Variants in PEX5L observed in about 807,000 individuals in gnomAD.
The protein encoded by PEX5L is peroxisomal biogenesis factor 5 like.
Under a neutral mutation model 84.0 loss-of-function variants are expected in PEX5L, and 30 were observed. The observed-to-expected ratio is 0.36, with a 90% CI of 0.27 to 0.48. The LOEUF (loss-of-function observed/expected upper bound fraction) is 0.48, where lower values mean the gene tolerates loss of function less well. PEX5L is among the 20% of genes least tolerant of loss of function. PEX5L has a pLI of 0.99. For missense variants in PEX5L, 533 were observed against 754.6 expected (o/e 0.71, Z 3.44); for synonymous variants, 270 against 283.1 (o/e 0.95, Z 0.46).
chr3:179,819,822 G>A, intron 9 of PEX5L, 38 bp downstream of exon 9: 1 of 1,579,920 alleles, frequency 6.3e-7, no homozygotes, highest in Non-Finnish European at 8.7e-7. Context: ...AAAAGGTGGA[G>A]AAAAGTAGTC....
intron 2 of PEX5L, among the ~76,000 whole-genome samples, chr3:179,901,434 A>C (rs981673439): frequency 6.6e-6 from 1 of 152,232 alleles, no homozygotes; most frequent in African/African-American, 2.4e-5. Context: ...ATATACATTC[A>C]AGCATATAAG....
chr3:179,834,891 G>A (rs756067132), intron 8 of PEX5L, among the ~76,000 whole-genome samples: 2 of 152,198 alleles, frequency 1.3e-5, no homozygotes, highest in Non-Finnish European at 2.9e-5. Context: ...ATGTAATCAA[G>A]TTCAGACGAG....
chr3:180,001,886 C>T (rs1156450285), intron 1 of PEX5L, among the ~76,000 whole-genome samples: 1 of 152,108 alleles, frequency 6.6e-6, no homozygotes, highest in South Asian at 2.1e-4. Context: ...TCTATATTAT[C>T]CATAGTCATA....
chr3:179,908,053 CAA>C (rs1326611094), intron 2 of PEX5L, among the ~76,000 whole-genome samples: 1 of 152,202 alleles, frequency 6.6e-6, no homozygotes, highest in Non-Finnish European at 1.5e-5. Flanking sequence ...GAAACAGCTC[CAA>C]GAGAGAAGCT....
chr3:179,809,479 T>G lies in PEX5L; in HGVS notation c.1344A>C (p.Pro448=). ...TATAACGAGAAGGATACCTATCAAC[T>G]GGGGACTTAGACATCCGCCGGGTGA... The part of the protein sequence containing the change: ...PGLTRRMSKS[P]VDSSVLEGVK... The change falls in exon 12 of 15, where the codon CCA becomes CCC. Residue 448 remains proline (P), a synonymous_variant. Transcript: ENST00000467460. The G allele has an allele frequency of 6.2e-7, 1 of 1,612,814 alleles. No individual in the cohort carries two copies. Among genetic ancestry groups the G allele is most frequent in the Non-Finnish European group, 8.5e-7 (1 of 1,178,762 alleles).
intron 1 of PEX5L, among the ~76,000 whole-genome samples, chr3:179,984,520 T>A (rs951883073): frequency 1.3e-5 from 2 of 152,118 alleles, no homozygotes; most frequent in South Asian, 4.1e-4. Flanking sequence ...AAACAAAAGA[T>A]CTTTGGGGTA....
intron 2 of PEX5L, among the ~76,000 whole-genome samples, chr3:179,904,818 G>A (rs1762589349): frequency 6.6e-6 from 1 of 151,936 alleles, no homozygotes; most frequent in Admixed American, 6.6e-5. Context: ...TCTGAGTTGG[G>A]GTCGTCTCCT....
chr3:179,847,114 C>A (rs906908647), intron 8 of PEX5L, among the ~76,000 whole-genome samples: 6 of 150,534 alleles, frequency 4.0e-5, no homozygotes, highest in Non-Finnish European at 7.4e-5. Flanking sequence ...TATCCACCCA[C>A]CCCACCCAAC....
intron 2 of PEX5L, among the ~76,000 whole-genome samples, chr3:179,937,576 G>A (rs1370368044): frequency 6.6e-6 from 1 of 152,180 alleles, no homozygotes; most frequent in East Asian, 1.9e-4. Context: ...AGACCAGTGT[G>A]TTCCCTAGTT....
chr3:179,898,396 AAC>A, intron 2 of PEX5L, 150 bp from the exon 3 acceptor site: 1 of 483,230 alleles, frequency 2.1e-6, no homozygotes. Context: ...CTGAGGAGAA[AAC>A]ACACAAAATC....
intron 2 of PEX5L, among the ~76,000 whole-genome samples, chr3:179,964,845 C>T (rs78106286): frequency 0.011 from 1,620 of 152,316 alleles, 33 homozygotes; most frequent in African/African-American, 0.037. Flanking sequence ...ACTTACCGCA[C>T]GCTACGTACT....
intron 7 of PEX5L, 90 bp downstream of exon 7, chr3:179,874,237 C>A: frequency 4.0e-6 from 3 of 746,640 alleles, no homozygotes; most frequent in South Asian, 1.9e-5. Context: ...AAAAATACTT[C>A]AAACTTTTTG....
At chr3:179,955,541 G>A (rs1291916576) in intron 2 of PEX5L, among the ~76,000 whole-genome samples, 1 of 144,558 alleles carries the variant, frequency 6.9e-6, no homozygotes, top group Non-Finnish European at 1.5e-5. Flanking sequence ...TCTGGGAAGT[G>A]TTTTTCTAGT....
intron 3 of PEX5L, among the ~76,000 whole-genome samples, chr3:179,894,990 T>A (rs933040963): frequency 2.6e-5 from 4 of 152,162 alleles, no homozygotes; most frequent in African/African-American, 9.6e-5. Flanking sequence ...ATCAATCTTC[T>A]GGCAAACGGC....
chr3:179,959,329 T>TA (rs529235373), intron 2 of PEX5L, among the ~76,000 whole-genome samples: 29 of 152,312 alleles, frequency 1.9e-4, no homozygotes, highest in African/African-American at 7.0e-4. Flanking sequence ...TCTTAGTTCT[T>TA]AGAGTTCTGA....
chr3:179,941,984 G>GCA (rs1419886492), intron 2 of PEX5L, among the ~76,000 whole-genome samples: 14 of 126,608 alleles, frequency 1.1e-4, no homozygotes, highest in South Asian at 4.9e-4. Context: ...TCGCGCCACT[G>GCA]CACTCCAACC....
At chr3:179,980,495 G>C (rs562630456) in intron 1 of PEX5L, among the ~76,000 whole-genome samples, 1 of 152,088 alleles carries the variant, frequency 6.6e-6, no homozygotes, top group South Asian at 2.1e-4. Context: ...GTCATTTCTC[G>C]ATCAGTCTCC....
intron 2 of PEX5L, among the ~76,000 whole-genome samples, chr3:179,929,581 G>C (rs1772436342): frequency 6.7e-6 from 1 of 149,634 alleles, no homozygotes; most frequent in Non-Finnish European, 1.5e-5. Flanking sequence ...TTTAGATATA[G>C]AACTACTCTT....
chr3:179,947,135 G>A (rs1401219648), intron 2 of PEX5L, among the ~76,000 whole-genome samples: 2 of 152,150 alleles, frequency 1.3e-5, no homozygotes, highest in African/African-American at 4.8e-5. Flanking sequence ...GCTCATCTGA[G>A]AAATTGGTAG....
Sources: gnomAD v4.1 joint callset for allele counts (sites outside exome capture counted in the v4.1 genomes callset) on GRCh38, gnomAD v4.1.1 for gene constraint, MANE v1.5 for transcripts, NCBI Gene and HGNC (gene_info 2026-07-23, HGNC 2026-07-21) for gene names.